The following NDUFA5 variants were observed in gnomAD, a reference collection of about 807,000 sequenced individuals.
NDUFA5 encodes NADH:ubiquinone oxidoreductase subunit A5, also known as NADH dehydrogenase [ubiquinone] 1 alpha subcomplex subunit 5.
NDUFA5 carries 11 observed loss-of-function variants against 19.8 expected under a neutral mutation model. The observed-to-expected ratio is 0.56, with a 90% CI of 0.35 to 0.92. The LOEUF (loss-of-function observed/expected upper bound fraction) is 0.92, where lower values mean the gene tolerates loss of function less well. Ranked by LOEUF, NDUFA5 falls within the 40% of genes least tolerant of loss-of-function variation. The pLI, the probability that NDUFA5 is intolerant of heterozygous loss-of-function variation, is 0.01. For missense variants in NDUFA5, 109 were observed against 134.2 expected, an observed-to-expected ratio of 0.81 and a Z score of 0.93; for synonymous variants, 47 against 46.8, an observed-to-expected ratio of 1.00 and a Z score of -0.01.
chr7:123,557,535 C>A (rs1416165448), intron 1 of NDUFA5, 87 bp from the exon 2 acceptor site: 1 of 1,611,182 alleles, frequency 6.2e-7, no homozygotes, highest in East Asian at 2.3e-5. Context: ...CACGAATCCC[C>A]CGGCTAAAAC....
chr7:123,577,701 T>A, the NDUFA5 span, among the ~76,000 whole-genome samples: 1 of 152,098 alleles, frequency 6.6e-6, no homozygotes, highest in Admixed American at 6.6e-5. Context: ...AATCCGTTAT[T>A]AGATTTTCTT....
the NDUFA5 span, among the ~76,000 whole-genome samples, chr7:123,566,111 T>C: frequency 2.6e-5 from 4 of 152,080 alleles, no homozygotes; most frequent in South Asian, 2.1e-4. Context: ...GAGTGAGACC[T>C]TATCCAGTGT....
At chr7:123,578,582 AT>A in the NDUFA5 span, among the ~76,000 whole-genome samples, 1,226 of 152,082 alleles carry the variant, frequency 8.1e-3, 15 homozygotes, top group African/African-American at 0.028. Context: ...CCAGACTGAT[AT>A]TTTTCCTTAT....
At position 123,542,008 on chromosome 7, in the gene NDUFA5, T is replaced by A. The variant is rs1284201612; in HGVS notation, c.*111A>T. ...AATTTTAACAGTCTCCTACATATTT[T>A]CTATATCACTTTTCTTGATTACAAA... On this transcript the variant is annotated 3_prime_UTR_variant, in exon 5 of 5. Transcript: ENST00000355749. 1 of 662,314 alleles carries A rather than the reference T, an allele frequency of 1.5e-6. No individual in the cohort carries two copies. The highest frequency in any genetic ancestry group is 1.9e-5 in the African/African-American group (1 of 52,946). 41.0% of individuals were successfully genotyped at this position (662,314 alleles called of 1,614,324 possible).
At chr7:123,592,478 C>T in the NDUFA5 span, among the ~76,000 whole-genome samples, 2 of 152,110 alleles carry the variant, frequency 1.3e-5, no homozygotes, top group Admixed American at 6.6e-5. Context: ...GATTCTGGTA[C>T]GTTGTGTCTT....
chr7:123,594,832 G>C, the NDUFA5 span, among the ~76,000 whole-genome samples: 3 of 152,206 alleles, frequency 2.0e-5, no homozygotes, highest in South Asian at 6.2e-4. Context: ...GTCAGGCAGG[G>C]ACGTTTAAGC....
chr7:123,579,915 A>G, the NDUFA5 span, among the ~76,000 whole-genome samples: 113 of 152,190 alleles, frequency 7.4e-4, no homozygotes, highest in African/African-American at 2.5e-3. Context: ...TTTAATTCTC[A>G]TTTATTGAAT....
At chr7:123,584,405 A>C in the NDUFA5 span, among the ~76,000 whole-genome samples, 1 of 151,850 alleles carries the variant, frequency 6.6e-6, no homozygotes, top group Non-Finnish European at 1.5e-5. Context: ...GCTAGGCATC[A>C]GTGTTTTCTA....
chr7:123,552,670 G>A (rs574339164), intron 2 of NDUFA5, among the ~76,000 whole-genome samples: 1 of 145,536 alleles, frequency 6.9e-6, no homozygotes, highest in African/African-American at 2.5e-5. Context: ...ATTGTGTGCA[G>A]TCCTAATAAG....
chr7:123,562,964 T>G, the NDUFA5 span, among the ~76,000 whole-genome samples: 1 of 150,686 alleles, frequency 6.6e-6, no homozygotes, highest in East Asian at 2.0e-4. Context: ...TCCCAGCTAA[T>G]TTTTTTTTGT....
At chr7:123,569,225 T>C in the NDUFA5 span, among the ~76,000 whole-genome samples, 1 of 152,164 alleles carries the variant, frequency 6.6e-6, no homozygotes, top group African/African-American at 2.4e-5. Flanking sequence ...TAAATGGCAA[T>C]CTTGGCAACA....
Position 123,545,637 on chromosome 7 carries a change from C to T in NDUFA5, c.223G>A (p.Gly75Ser), listed in dbSNP as rs548942692. Residue 75 changes from glycine to serine, a missense_variant, in exon 4 of 5, where the codon GGT becomes AGT. Physicochemically the swap from Gly to Ser is moderately conservative, Grantham distance 56 (BLOSUM62 0). Transcript: ENST00000355749. ...VKKLEDQLQGGQLEEVILQAE... is the reference protein window; with the variant it reads ...VKKLEDQLQGSQLEEVILQAE... ...TGAAGAATCACCTCTTCTAATTGAC[C>T]GCCTTGAAGTTGGTCTTCTAATTTT... 53 of 1,610,236 alleles carry T rather than the reference C, an allele frequency of 3.3e-5. No homozygotes were observed. Among genetic ancestry groups the T allele is most frequent in the South Asian group, 2.5e-4 (23 of 90,624 alleles).
At chr7:123,598,601 C>A in the NDUFA5 span, among the ~76,000 whole-genome samples, 4 of 152,134 alleles carry the variant, frequency 2.6e-5, no homozygotes, top group Non-Finnish European at 5.9e-5. Flanking sequence ...TAACTGCGAA[C>A]CCATTTGAAC....
At chr7:123,561,753 G>A (rs775973161), upstream of NDUFA5, among the ~76,000 whole-genome samples, 2 of 151,824 alleles carry the variant, frequency 1.3e-5, no homozygotes, top group Admixed American at 6.6e-5. Context: ...ATCTGCCACC[G>A]CACCCGGCTA....
At chr7:123,555,489 G>C (rs967627541) in intron 2 of NDUFA5, 1 of 152,170 alleles carries the variant, frequency 6.6e-6, no homozygotes, top group African/African-American at 2.4e-5. Context: ...ACAAGTATAA[G>C]AGAAATACCA....
chr7:123,550,894 G>A (rs1178017935), intron 2 of NDUFA5, among the ~76,000 whole-genome samples: 2 of 152,078 alleles, frequency 1.3e-5, no homozygotes, highest in Non-Finnish European at 2.9e-5. Flanking sequence ...AGGACCTTTT[G>A]GGAAATCGAA....
chr7:123,547,764 C>T (rs901772893), intron 3 of NDUFA5, among the ~76,000 whole-genome samples: 1 of 152,108 alleles, frequency 6.6e-6, no homozygotes, highest in Non-Finnish European at 1.5e-5. Flanking sequence ...GTTAGGTGAA[C>T]AGTTCAAAAT....
chr7:123,563,536 T>C, the NDUFA5 span, among the ~76,000 whole-genome samples: 2 of 152,132 alleles, frequency 1.3e-5, no homozygotes, highest in Admixed American at 6.6e-5. Flanking sequence ...CAGATCACCA[T>C]AATAGATAAG....
chr7:123,585,683 C>A, the NDUFA5 span, among the ~76,000 whole-genome samples: 1 of 151,502 alleles, frequency 6.6e-6, no homozygotes, highest in Non-Finnish European at 1.5e-5. Context: ...ATTAAGCAAA[C>A]TCTCTTAGCA....
Sources: gnomAD v4.1 joint callset for allele counts (sites outside exome capture counted in the v4.1 genomes callset) on GRCh38, gnomAD v4.1.1 for gene constraint, MANE v1.5 for transcripts, NCBI Gene and HGNC (gene_info 2026-07-23, HGNC 2026-07-21) for gene names.